TBC1D8: variants seen among roughly 807,000 people sequenced by gnomAD.
The protein encoded by TBC1D8 is TBC1 domain family member 8.
Under a neutral mutation model 118.8 loss-of-function variants are expected in TBC1D8, and 65 were observed. That is an observed-to-expected ratio of 0.55 (90% CI 0.45 to 0.67). The LOEUF (loss-of-function observed/expected upper bound fraction) is 0.67, where lower values mean the gene tolerates loss of function less well. Ranked by LOEUF, TBC1D8 falls within the 30% of genes least tolerant of loss-of-function variation. The pLI is 0.00. For synonymous variants in TBC1D8, 566 were observed against 595.8 expected (o/e 0.95, Z 0.73); for missense variants, 1,376 against 1,471.2 (o/e 0.94, Z 1.06).
In TBC1D8 at chr2:101,121,708, T is replaced by C. The variant is rs549170680; in HGVS notation, c.127+29419A>G. Among the ~76,000 whole-genome samples, 22 of 152,344 alleles carry C rather than the reference T, an allele frequency of 1.4e-4. No individual in the cohort carries two copies. In the East Asian group the frequency reaches 3.9e-3, roughly 27 times the overall value. On this transcript the variant is annotated intron_variant, in intron 1 of 19. Coordinates refer to ENST00000409318, the MANE Select transcript of TBC1D8 (RefSeq NM_001330348.2). ...GGGAGGGACACAAACATTTAGACCA[T>C]AGCACAATGCTATTATTCCAGTAAG...
At chr2:101,032,957 TC>T (rs1680761412) in intron 10 of TBC1D8, 2 of 187,504 alleles carry the variant, frequency 1.1e-5, no homozygotes, top group African/African-American at 4.7e-5. Flanking sequence ...ATCATCTTCC[TC>T]CCCAAACAGC....
In TBC1D8 at chr2:101,050,601, T is replaced by G; in HGVS notation, c.672A>C (p.Glu224Asp). 6.2e-7 allele frequency: 1 copy of G among 1,614,006 alleles called. No individual in the cohort carries two copies. Among genetic ancestry groups the G allele is most frequent in the Admixed American group, 1.7e-5 (1 of 60,030 alleles). The change falls in exon 5 of 20, where the codon GAA becomes GAC. Residue 224 changes from glutamate to aspartate, a missense_variant. Transcript: ENST00000409318. ...VVPWVDIQKL[E>D]RTSNVFLTDT... ...CCGTCAGAAAGACATTGGACGTTCT[T>G]TCTAATTTCTGGATATCAACCCACG...
chr2:101,069,250 G>A (rs1317375222), intron 2 of TBC1D8, among the ~76,000 whole-genome samples: 2 of 150,306 alleles, frequency 1.3e-5, no homozygotes, highest in Non-Finnish European at 3.0e-5. Flanking sequence ...CCAAGATCAC[G>A]CCACTGCACT....
intron 2 of TBC1D8, among the ~76,000 whole-genome samples, chr2:101,073,259 TA>T (rs1674574235): frequency 1.4e-5 from 2 of 142,946 alleles, no homozygotes; most frequent in Admixed American, 6.7e-5. Flanking sequence ...TACATTGTTT[TA>T]TTTTTTTTAT....
At chr2:101,124,487 A>G (rs1678266871) in intron 1 of TBC1D8, among the ~76,000 whole-genome samples, 1 of 152,134 alleles carries the variant, frequency 6.6e-6, no homozygotes, top group Non-Finnish European at 1.5e-5. Context: ...CTAAAAAACA[A>G]CTCTTCCAAT....
intron 1 of TBC1D8, among the ~76,000 whole-genome samples, chr2:101,126,955 G>C (rs1678381988): frequency 6.6e-6 from 1 of 152,196 alleles, no homozygotes; most frequent in East Asian, 1.9e-4. Context: ...TCGCAGATGT[G>C]GATGGCCCCA....
chr2:101,010,421 A>G (rs566673778), intron 19 of TBC1D8, among the ~76,000 whole-genome samples: 13 of 152,310 alleles, frequency 8.5e-5, no homozygotes, highest in Non-Finnish European at 1.9e-4. Flanking sequence ...AAACTCCTCA[A>G]AGATGTGAAG....
intron 10 of TBC1D8, 31 bp from the exon 11 acceptor site, chr2:101,032,416 A>G (rs1043996828): frequency 6.3e-7 from 1 of 1,584,578 alleles, no homozygotes; most frequent in Non-Finnish European, 8.7e-7. Flanking sequence ...GCAGTTACTG[A>G]CTGGCCCATG....
intron 2 of TBC1D8, among the ~76,000 whole-genome samples, chr2:101,078,949 C>T (rs1191049908): frequency 2.6e-5 from 4 of 151,958 alleles, no homozygotes; most frequent in Non-Finnish European, 5.9e-5. Context: ...GCATATGTCA[C>T]AGAAGTCAGT....
At chr2:101,048,358 A>G (rs1681839173) in intron 5 of TBC1D8, among the ~76,000 whole-genome samples, 1 of 152,106 alleles carries the variant, frequency 6.6e-6, no homozygotes, top group Non-Finnish European at 1.5e-5. Flanking sequence ...AGGCTGAGAG[A>G]CCATCATGGG....
At chr2:101,027,865 C>T (rs1680428535) in intron 14 of TBC1D8, among the ~76,000 whole-genome samples, 183 bp downstream of exon 14, 1 of 152,242 alleles carries the variant, frequency 6.6e-6, no homozygotes, top group Non-Finnish European at 1.5e-5. Context: ...GTGTTGAGTA[C>T]ACTCACCACC....
Position 101,018,105 on chromosome 2 carries a change from C to T in TBC1D8, c.2827+3576G>A, listed in dbSNP as rs147723276. 21 of 590,630 alleles carry T rather than the reference C, an allele frequency of 3.6e-5. No homozygotes were observed. The East Asian group carries it at 6.0e-4, about 17-fold the overall frequency. 36.6% of individuals were successfully genotyped at this position (590,630 alleles called of 1,614,324 possible). A position where few individuals can be genotyped will look rare whatever the true frequency, so the allele number is the denominator to read the frequency against. On this transcript the variant is annotated intron_variant, in intron 17 of 19. Transcript: ENST00000409318. ...GACTAGATTTTGAATCCAATCAACA[C>T]TTTTTCATATAAAGTTTTCAGAATA...
At chr2:101,020,515 A>C (rs928117197) in intron 17 of TBC1D8, among the ~76,000 whole-genome samples, 4 of 152,212 alleles carry the variant, frequency 2.6e-5, no homozygotes, top group Non-Finnish European at 4.4e-5. Flanking sequence ...AACCAAAAAT[A>C]AATAAATAAT....
intron 1 of TBC1D8, among the ~76,000 whole-genome samples, chr2:101,112,437 A>G (rs1428407335): frequency 2.0e-5 from 3 of 152,226 alleles, no homozygotes; most frequent in Non-Finnish European, 4.4e-5. Flanking sequence ...CTATAAAATG[A>G]AAGGCCAGGG....
At chr2:101,063,195 C>T (rs1348315127) in intron 2 of TBC1D8, among the ~76,000 whole-genome samples, 2 of 152,118 alleles carry the variant, frequency 1.3e-5, no homozygotes, top group Non-Finnish European at 2.9e-5. Context: ...CTTTAGATAA[C>T]GTGAATAAAT....
At chr2:101,075,684 G>A (rs1331629219) in intron 2 of TBC1D8, among the ~76,000 whole-genome samples, 1 of 152,168 alleles carries the variant, frequency 6.6e-6, no homozygotes, top group African/African-American at 2.4e-5. Context: ...TGCCATGATT[G>A]TAAGTTTCCT....
chr2:101,107,228 CA>C (rs1390909979), intron 1 of TBC1D8, among the ~76,000 whole-genome samples: 6 of 152,154 alleles, frequency 3.9e-5, no homozygotes, highest in African/African-American at 1.4e-4. Context: ...AACTCAGGTT[CA>C]GCTTACTATA....
At position 101,144,317 on chromosome 2, in the gene TBC1D8, G is replaced by C. The variant is rs1420170715; in HGVS notation, c.127+6810C>G. On this transcript the variant is annotated intron_variant, in intron 1 of 19. Coordinates refer to ENST00000409318, the MANE Select transcript of TBC1D8 (RefSeq NM_001330348.2). Reference sequence around the variant, plus strand: ...CTTCATGACTACAGTGGTGGGAGTAGGGGAAGGGTCAGGTACATCTCCAGG... The same window carrying C: ...CTTCATGACTACAGTGGTGGGAGTACGGGAAGGGTCAGGTACATCTCCAGG... Among the ~76,000 whole-genome samples, 4 of 152,186 alleles carry C rather than the reference G, an allele frequency of 2.6e-5. 1 individual carries two copies. Among genetic ancestry groups the C allele is most frequent in the Admixed American group, 2.0e-4 (3 of 15,288 alleles).
intron 2 of TBC1D8, among the ~76,000 whole-genome samples, chr2:101,064,907 A>T (rs1191203349): frequency 3.9e-5 from 6 of 152,218 alleles, no homozygotes; most frequent in Non-Finnish European, 8.8e-5. Flanking sequence ...TCTAGGTGAG[A>T]AGAGCAAAGT....
Sources: allele counts gnomAD v4.1 joint callset (sites outside exome capture counted in the v4.1 genomes callset), GRCh38; gene constraint gnomAD v4.1.1; transcripts MANE v1.5; gene names NCBI Gene and HGNC (gene_info 2026-07-23, HGNC 2026-07-21).